DSCAM: variants seen among roughly 807,000 people sequenced by gnomAD.
The protein encoded by DSCAM is cell adhesion molecule DSCAM.
DSCAM carries 47 observed loss-of-function variants against 217.7 expected under a neutral mutation model. The ratio of observed to expected loss-of-function variants is 0.22; its 90% CI spans 0.17 to 0.28. The LOEUF (loss-of-function observed/expected upper bound fraction) is 0.28, where lower values mean the gene tolerates loss of function less well. Ranked by LOEUF, DSCAM falls within the 10% of genes least tolerant of loss-of-function variation. DSCAM has a pLI of 1.00. For missense variants in DSCAM, 2,080 were observed against 2,618.3 expected (o/e 0.79, Z 4.49); for synonymous variants, 1,056 against 1,015.3 (o/e 1.04, Z -0.76).
At chr21:40,342,648 A>ATATATATATATATATTTT (rs61637421) in intron 6 of DSCAM, among the ~76,000 whole-genome samples, 8 of 80,314 alleles carry the variant, frequency 1.0e-4, no homozygotes, top group African/African-American at 3.1e-4. Context: ...ATATATATAT[A>ATATATATATATATATTTT]TTTTTTTTTT....
At chr21:40,595,979 G>T (rs2077018766) in intron 3 of DSCAM, among the ~76,000 whole-genome samples, 1 of 152,216 alleles carries the variant, frequency 6.6e-6, no homozygotes, top group African/African-American at 2.4e-5. Context: ...GCATGTGCGT[G>T]TCTGGACTGA....
At chr21:40,471,710 C>G (rs1239549017) in intron 3 of DSCAM, among the ~76,000 whole-genome samples, 3 of 152,196 alleles carry the variant, frequency 2.0e-5, no homozygotes, top group African/African-American at 7.2e-5. Context: ...TACACAAGCT[C>G]TGACTTAGGA....
intron 16 of DSCAM, among the ~76,000 whole-genome samples, chr21:40,155,748 T>C (rs2090469173): frequency 6.6e-6 from 1 of 151,846 alleles, no homozygotes; most frequent in Admixed American, 6.6e-5. Context: ...CGGGCAGGGG[T>C]GGAGCTGAGT....
chr21:40,695,050 T>C (rs527649609), intron 2 of DSCAM, among the ~76,000 whole-genome samples: 1 of 152,156 alleles, frequency 6.6e-6, no homozygotes, highest in Non-Finnish European at 1.5e-5. Context: ...TTAAGCTCCT[T>C]TGTCTGTGTG....
At chr21:40,384,615 C>G (rs912266883) in intron 3 of DSCAM, 22 of 153,246 alleles carry the variant, frequency 1.4e-4, no homozygotes, top group African/African-American at 5.1e-4. Context: ...CTCAAAACCA[C>G]AACAACAACA....
At chr21:40,583,186 G>T (rs1443828615) in intron 3 of DSCAM, among the ~76,000 whole-genome samples, 6 of 152,240 alleles carry the variant, frequency 3.9e-5, no homozygotes, top group East Asian at 1.9e-4. Flanking sequence ...TAAGGCAAAA[G>T]AAATAAACAT....
chr21:40,430,354 C>A (rs62223846), intron 3 of DSCAM, among the ~76,000 whole-genome samples: 20 of 152,292 alleles, frequency 1.3e-4, no homozygotes, highest in Admixed American at 1.2e-3. Context: ...CAGTGGGCTG[C>A]GGAAGGCAGA....
intron 3 of DSCAM, among the ~76,000 whole-genome samples, chr21:40,442,150 G>A (rs2075636093): frequency 6.6e-6 from 1 of 152,110 alleles, no homozygotes. Context: ...AGTACAGAAA[G>A]TAATTCATCA....
At chr21:40,348,079 T>G (rs2074579701) in intron 5 of DSCAM, 134 bp from the exon 6 acceptor site, 1 of 726,496 alleles carries the variant, frequency 1.4e-6, no homozygotes, top group Non-Finnish European at 2.2e-6. Flanking sequence ...AGCCACATTA[T>G]TGCAATCATA....
chr21:40,193,036 T>C (rs1213138421), intron 11 of DSCAM, among the ~76,000 whole-genome samples: 1 of 152,190 alleles, frequency 6.6e-6, no homozygotes, highest in Non-Finnish European at 1.5e-5. Context: ...TTTTGCACTC[T>C]TGTGGCCGGA....
chr21:40,093,270 TA>T (rs1475667159), intron 21 of DSCAM, among the ~76,000 whole-genome samples: 1 of 152,256 alleles, frequency 6.6e-6, no homozygotes. Context: ...TTCCTGCTGT[TA>T]CTTAAAGTCT....
chr21:40,150,821 A>G (rs1030988682), intron 16 of DSCAM, among the ~76,000 whole-genome samples: 1 of 152,232 alleles, frequency 6.6e-6, no homozygotes, highest in Non-Finnish European at 1.5e-5. Context: ...TTATAGGGAA[A>G]TGATCTTTAG....
At chr21:40,451,171 TG>T (rs1601653908) in intron 3 of DSCAM, among the ~76,000 whole-genome samples, 1 of 152,160 alleles carries the variant, frequency 6.6e-6, no homozygotes, top group Admixed American at 6.5e-5. Context: ...TTGGATCGCC[TG>T]TTGATGGCTG....
chr21:40,661,404 G>C (rs991236073), intron 3 of DSCAM, among the ~76,000 whole-genome samples: 2 of 152,102 alleles, frequency 1.3e-5, no homozygotes, highest in African/African-American at 4.8e-5. Flanking sequence ...TTTTGTTTTT[G>C]TGACTCTCTG....
At chr21:40,381,549 G>A (rs1195410330) in intron 3 of DSCAM, among the ~76,000 whole-genome samples, 1 of 152,214 alleles carries the variant, frequency 6.6e-6, no homozygotes, top group Admixed American at 6.5e-5. Flanking sequence ...TCAACCCACA[G>A]TGACTATGCT....
At chr21:40,364,445 GCA>G (rs1228386255) in intron 4 of DSCAM, among the ~76,000 whole-genome samples, 9 of 148,886 alleles carry the variant, frequency 6.0e-5, no homozygotes, top group Non-Finnish European at 1.0e-4. Context: ...ACCAAACACC[GCA>G]TGTTCTCACT....
At chr21:40,152,367 A>G (rs937311262) in intron 16 of DSCAM, among the ~76,000 whole-genome samples, 1 of 152,220 alleles carries the variant, frequency 6.6e-6, no homozygotes, top group Non-Finnish European at 1.5e-5. Flanking sequence ...GCTCCTTGTT[A>G]GGTTTCTCAC....
intron 3 of DSCAM, among the ~76,000 whole-genome samples, chr21:40,535,303 A>G (rs1449963652): frequency 6.6e-6 from 1 of 152,244 alleles, no homozygotes; most frequent in African/African-American, 2.4e-5. Flanking sequence ...TTGAGCAAAT[A>G]ATTTCCCTAG....
chr21:40,580,695 G>C (rs1053602512), intron 3 of DSCAM, among the ~76,000 whole-genome samples: 6 of 152,178 alleles, frequency 3.9e-5, no homozygotes, highest in Admixed American at 3.9e-4. Context: ...ATCTAATGGG[G>C]ACAGGAAAGG....
Sources: gnomAD v4.1 joint callset for allele counts (sites outside exome capture counted in the v4.1 genomes callset) on GRCh38, gnomAD v4.1.1 for gene constraint, MANE v1.5 for transcripts, NCBI Gene and HGNC (gene_info 2026-07-23, HGNC 2026-07-21) for gene names.